The following AGPAT3 variants were observed in gnomAD, a reference collection of about 807,000 sequenced individuals.
The protein encoded by AGPAT3 is 1-acyl-sn-glycerol-3-phosphate acyltransferase gamma.
Under a neutral mutation model 47.3 loss-of-function variants are expected in AGPAT3, and 5 were observed. That is an observed-to-expected ratio of 0.11 (90% CI 0.06 to 0.22). AGPAT3 has a LOEUF of 0.22. Among genes scored for constraint, AGPAT3 ranks in the 10% least tolerant of loss-of-function variants. The pLI is 1.00. For missense variants in AGPAT3, 315 were observed against 493.0 expected (o/e 0.64, Z 3.42); for synonymous variants, 212 against 208.3 (o/e 1.02, Z -0.15).
intron 1 of AGPAT3, chr21:43,867,758 G>A (rs1035966858): frequency 6.6e-6 from 1 of 152,162 alleles, no homozygotes; most frequent in Non-Finnish European, 1.5e-5. Flanking sequence ...TTAATGACTT[G>A]TTTAATGTGA....
Position 43,922,132 on chromosome 21 carries a change from G to A in AGPAT3, c.-49+18113G>A, listed in dbSNP as rs1035440764. ...CTTTTTTGGAAGTCACCTGGGGACG[G>A]GGATGAGTCACCCGGGGGCCTTGGT... On this transcript the variant is annotated intron_variant, in intron 2 of 9. Transcript: ENST00000291572. This position sits in a 1 kb window ranked among gnomAD's most constrained non-coding sequence, Gnocchi z 4.9. Among the ~76,000 whole-genome samples, 1 of 152,180 alleles carries A rather than the reference G, an allele frequency of 6.6e-6. No individual in the cohort carries two copies. Among genetic ancestry groups the A allele is most frequent in the Non-Finnish European group, 1.5e-5 (1 of 68,032 alleles).
At chr21:43,958,771 GT>G (rs957201601) in intron 2 of AGPAT3, among the ~76,000 whole-genome samples, 2 of 143,622 alleles carry the variant, frequency 1.4e-5, no homozygotes, top group Non-Finnish European at 3.0e-5. Flanking sequence ...TGTGTGGTTT[GT>G]GATGTGTGTG....
At chr21:43,961,236 T>TA (rs758983996) in intron 3 of AGPAT3, among the ~76,000 whole-genome samples, 2 of 152,188 alleles carry the variant, frequency 1.3e-5, no homozygotes, top group African/African-American at 4.8e-5. Flanking sequence ...AGGGGATTCT[T>TA]ACGTTTTATT....
chr21:43,956,109 T>C (rs752654457), intron 2 of AGPAT3, among the ~76,000 whole-genome samples: 6 of 152,174 alleles, frequency 3.9e-5, no homozygotes, highest in Non-Finnish European at 8.8e-5. Context: ...GGGGCTCTGC[T>C]GTGTGCCAGG....
At chr21:43,874,087 G>A (rs367713621) in intron 1 of AGPAT3, among the ~76,000 whole-genome samples, 15 of 152,222 alleles carry the variant, frequency 9.9e-5, no homozygotes, top group African/African-American at 3.6e-4. Context: ...GCAGGCTGGC[G>A]TGATCTCGGC....
At chr21:43,973,746 G>C (rs2089492402) in intron 7 of AGPAT3, among the ~76,000 whole-genome samples, 1 of 152,216 alleles carries the variant, frequency 6.6e-6, no homozygotes, top group Non-Finnish European at 1.5e-5. Context: ...ACAGCGCCAG[G>C]CTCCCCACAG....
chr21:43,971,669 C>T (rs1340302385), intron 7 of AGPAT3, among the ~76,000 whole-genome samples, 179 bp downstream of exon 7: 1 of 152,188 alleles, frequency 6.6e-6, no homozygotes, highest in African/African-American at 2.4e-5. Context: ...AGAGGCCCTG[C>T]AGGACTCGTC....
intron 2 of AGPAT3, among the ~76,000 whole-genome samples, chr21:43,938,584 G>A (rs113920634): frequency 9.0e-4 from 137 of 152,162 alleles, no homozygotes; most frequent in African/African-American, 2.8e-3. Flanking sequence ...GTGAGCCACC[G>A]TGCCCGGCCT....
chr21:43,935,797 G>A (rs190181985), intron 2 of AGPAT3, among the ~76,000 whole-genome samples: 17 of 152,262 alleles, frequency 1.1e-4, no homozygotes, highest in African/African-American at 3.9e-4. Flanking sequence ...AGGCGGCCAC[G>A]GAGGAGCTCA....
chr21:43,888,846 A>G (rs2086038235), intron 1 of AGPAT3, among the ~76,000 whole-genome samples: 1 of 152,124 alleles, frequency 6.6e-6, no homozygotes, highest in Non-Finnish European at 1.5e-5. Context: ...AAAATTAGCC[A>G]GGCATGGTGG....
intron 2 of AGPAT3, among the ~76,000 whole-genome samples, chr21:43,958,011 T>A (rs1188123114): frequency 1.3e-5 from 2 of 152,164 alleles, no homozygotes; most frequent in Admixed American, 6.5e-5. Context: ...ACGCTTCAAA[T>A]ACGCACACGA....
intron 2 of AGPAT3, among the ~76,000 whole-genome samples, chr21:43,912,165 A>G (rs939233009): frequency 3.9e-5 from 6 of 152,258 alleles, no homozygotes; most frequent in Non-Finnish European, 5.9e-5. Flanking sequence ...AGGTGTGTCC[A>G]TGGCAACACG....
At chr21:43,949,565 G>A (rs1263399818) in intron 2 of AGPAT3, among the ~76,000 whole-genome samples, 1 of 152,226 alleles carries the variant, frequency 6.6e-6, no homozygotes, top group African/African-American at 2.4e-5. Flanking sequence ...GGTGAGCCCT[G>A]AAGTCAACCT....
chr21:43,905,045 A>G (rs1007839946), intron 2 of AGPAT3, among the ~76,000 whole-genome samples: 2 of 152,170 alleles, frequency 1.3e-5, no homozygotes, highest in Non-Finnish European at 2.9e-5. Context: ...TCAGAGATGT[A>G]GTCATGGCGG....
In AGPAT3 at chr21:43,959,760, G is replaced by A; in HGVS notation, c.79G>A (p.Val27Ile). The change falls in exon 3 of 10, where the codon GTC becomes ATC. Residue 27 changes from valine (V) to isoleucine (I), a missense_variant. Transcript: ENST00000291572. ...VGFVFVVSGLVINFVQLCTLA... is the reference protein window; with the variant it reads ...VGFVFVVSGLIINFVQLCTLA... Reference sequence around the variant, plus strand: ...CTTTGTCTTCGTGGTGAGTGGTCTGGTCATCAACTTCGTCCAGCTGTGCAC... The same window carrying A: ...CTTTGTCTTCGTGGTGAGTGGTCTGATCATCAACTTCGTCCAGCTGTGCAC... 6.2e-7 allele frequency: 1 copy of A among 1,613,850 alleles called. No homozygotes were observed. Among genetic ancestry groups the A allele is most frequent in the South Asian group, 1.1e-5 (1 of 91,090 alleles).
At chr21:43,927,434 C>T (rs1187906047) in intron 2 of AGPAT3, among the ~76,000 whole-genome samples, 1 of 152,206 alleles carries the variant, frequency 6.6e-6, no homozygotes, top group African/African-American at 2.4e-5. Context: ...GCTGGTGCTC[C>T]AGGTTGATTG....
At chr21:43,924,774 C>T (rs1330812544) in intron 2 of AGPAT3, among the ~76,000 whole-genome samples, 3 of 152,200 alleles carry the variant, frequency 2.0e-5, no homozygotes, top group Non-Finnish European at 2.9e-5. Context: ...CCCCCTGAGC[C>T]CCACCCTGCC....
intron 2 of AGPAT3, among the ~76,000 whole-genome samples, chr21:43,909,071 A>G (rs368602739): frequency 6.6e-6 from 1 of 151,718 alleles, no homozygotes; most frequent in Admixed American, 6.6e-5. Flanking sequence ...TTTACTTACT[A>G]TTTTTTTTCT....
chr21:43,975,108 G>T (rs2089556975), intron 7 of AGPAT3, among the ~76,000 whole-genome samples: 2 of 152,032 alleles, frequency 1.3e-5, no homozygotes, highest in South Asian at 4.1e-4. Context: ...GTGCCAGTGT[G>T]TGCACTGGTG....
Sources: gnomAD v4.1 joint callset for allele counts (sites outside exome capture counted in the v4.1 genomes callset) on GRCh38, gnomAD v4.1.1 for gene constraint, Gnocchi (gnomAD v3.1) non-coding constraint, MANE v1.5 for transcripts, NCBI Gene and HGNC (gene_info 2026-07-23, HGNC 2026-07-21) for gene names.